WWOX: variants seen among roughly 807,000 people sequenced by gnomAD.
The protein encoded by WWOX is WW domain-containing oxidoreductase.
Under a neutral mutation model 46.2 loss-of-function variants are expected in WWOX, and 69 were observed. The observed-to-expected ratio is 1.49, with a 90% CI of 1.23 to 1.82. The LOEUF is 1.82. WWOX is among the 40% of genes most tolerant of loss of function. The probability of loss-of-function intolerance (pLI) is 0.00; values close to 1 mark genes in which losing one functional copy is unlikely to be tolerated. For missense variants in WWOX, 919 were observed against 542.6 expected, an observed-to-expected ratio of 1.69 and a Z score of -6.89; for synonymous variants, 359 against 202.6, an observed-to-expected ratio of 1.77 and a Z score of -6.56.
chr16:78,505,058 T>C (rs2085160062), intron 8 of WWOX, among the ~76,000 whole-genome samples: 1 of 152,096 alleles, frequency 6.6e-6, no homozygotes, highest in Non-Finnish European at 1.5e-5. Context: ...CTCTAAGGGA[T>C]ATTATTGTTC....
At chr16:78,450,749 A>G (rs1258297181) in intron 8 of WWOX, among the ~76,000 whole-genome samples, 2 of 152,170 alleles carry the variant, frequency 1.3e-5, no homozygotes, top group East Asian at 3.8e-4. Flanking sequence ...TTAATTCTCT[A>G]TAAATATAAA....
intron 8 of WWOX, among the ~76,000 whole-genome samples, chr16:78,437,727 C>T (rs894717548): frequency 2.0e-5 from 3 of 152,142 alleles, no homozygotes; most frequent in Admixed American, 6.5e-5. Context: ...AAAAAAGATG[C>T]AATATACTTC....
chr16:78,863,531 A>G (rs1451673697), intron 8 of WWOX, among the ~76,000 whole-genome samples: 2 of 152,184 alleles, frequency 1.3e-5, no homozygotes, highest in East Asian at 1.9e-4. Flanking sequence ...GCTCAAAACC[A>G]TCAGTAGTCC....
At chr16:79,086,066 C>T (rs2048848712) in intron 8 of WWOX, among the ~76,000 whole-genome samples, 1 of 103,684 alleles carries the variant, frequency 9.6e-6, no homozygotes, top group African/African-American at 4.2e-5. Context: ...TGTGAGACCC[C>T]ATCTCCAAAA....
chr16:78,890,172 C>G (rs899149980), intron 8 of WWOX: 1 of 152,166 alleles, frequency 6.6e-6, no homozygotes, highest in Non-Finnish European at 1.5e-5. Flanking sequence ...AGCACATATA[C>G]ACACTGACAC....
chr16:78,715,441 C>A (rs1253669106), intron 8 of WWOX, among the ~76,000 whole-genome samples: 1 of 152,032 alleles, frequency 6.6e-6, no homozygotes, highest in Non-Finnish European at 1.5e-5. Context: ...GAATTTTTAC[C>A]AGCTGGGTCT....
chr16:78,771,291 G>T (rs899394337), intron 8 of WWOX, among the ~76,000 whole-genome samples: 1 of 152,180 alleles, frequency 6.6e-6, no homozygotes, highest in Non-Finnish European at 1.5e-5. Context: ...AGGGTATCCA[G>T]TTAGGAAGCT....
At chr16:78,339,287 A>C (rs1193517522) in intron 5 of WWOX, among the ~76,000 whole-genome samples, 1 of 115,284 alleles carries the variant, frequency 8.7e-6, no homozygotes, top group Admixed American at 8.5e-5. Flanking sequence ...TTTTTTTAGA[A>C]ATTTGCTGAG....
At chr16:78,147,840 A>G (rs1322902552) in intron 4 of WWOX, among the ~76,000 whole-genome samples, 1 of 151,014 alleles carries the variant, frequency 6.6e-6, no homozygotes, top group Non-Finnish European at 1.5e-5. Context: ...TTTTTAAACA[A>G]TTCCCTCCTA....
intron 8 of WWOX, among the ~76,000 whole-genome samples, chr16:79,030,940 A>G (rs1199154202): frequency 1.3e-5 from 2 of 151,990 alleles, no homozygotes; most frequent in East Asian, 3.9e-4. Context: ...AAAATAAAAT[A>G]AATTGGCTGG....
chr16:79,183,289 A>G (rs903999775), intron 8 of WWOX, among the ~76,000 whole-genome samples: 3 of 152,214 alleles, frequency 2.0e-5, no homozygotes, highest in Non-Finnish European at 4.4e-5. Context: ...TGAGGCTTGC[A>G]TAGCACCTTC....
chr16:78,946,911 A>G (rs1346832500), intron 8 of WWOX, among the ~76,000 whole-genome samples: 2 of 152,170 alleles, frequency 1.3e-5, no homozygotes, highest in Non-Finnish European at 2.9e-5. Flanking sequence ...AGTCAGTAGG[A>G]TAGTTTCCCT....
chr16:78,694,968 G>T (rs1043971673), intron 8 of WWOX, among the ~76,000 whole-genome samples: 6 of 152,058 alleles, frequency 3.9e-5, no homozygotes, highest in African/African-American at 1.4e-4. Context: ...GCCAGTCTTA[G>T]AAGCCCCAGT....
chr16:78,320,307 GT>G (rs559439706), intron 5 of WWOX, among the ~76,000 whole-genome samples: 8 of 152,106 alleles, frequency 5.3e-5, no homozygotes, highest in African/African-American at 1.9e-4. Context: ...ACAGACTTTT[GT>G]TTTTTATCCC....
chr16:79,022,449 T>C (rs1057502383), intron 8 of WWOX, among the ~76,000 whole-genome samples: 3 of 152,104 alleles, frequency 2.0e-5, no homozygotes, highest in Middle Eastern at 6.8e-3. Context: ...CTGTCTACTT[T>C]ACATTTTGTC....
At chr16:78,943,834 C>T (rs1013198610) in intron 8 of WWOX, among the ~76,000 whole-genome samples, 1 of 152,120 alleles carries the variant, frequency 6.6e-6, no homozygotes. Flanking sequence ...AAATGGCTCC[C>T]CGATGTCCCG....
At chr16:79,116,791 C>G (rs1387786711) in intron 8 of WWOX, among the ~76,000 whole-genome samples, 4 of 151,864 alleles carry the variant, frequency 2.6e-5, no homozygotes, top group Non-Finnish European at 4.4e-5. Flanking sequence ...TTAATGGCAT[C>G]TAGAATGCTG....
intron 8 of WWOX, among the ~76,000 whole-genome samples, chr16:78,451,786 G>T (rs921570625): frequency 6.6e-6 from 1 of 152,116 alleles, no homozygotes; most frequent in African/African-American, 2.4e-5. Context: ...TATTGTCAAA[G>T]ATATTATTGA....
intron 8 of WWOX, among the ~76,000 whole-genome samples, chr16:78,674,798 A>C (rs1009066619): frequency 6.6e-6 from 1 of 151,816 alleles, no homozygotes; most frequent in Non-Finnish European, 1.5e-5. Context: ...TATATTTTTA[A>C]ACAATTACTG....
Sources: allele counts gnomAD v4.1 joint callset (sites outside exome capture counted in the v4.1 genomes callset), GRCh38; gene constraint gnomAD v4.1.1; transcripts MANE v1.5; gene names NCBI Gene and HGNC (gene_info 2026-07-23, HGNC 2026-07-21).